The following ZNF345 variants were observed in gnomAD, a reference collection of about 807,000 sequenced individuals.
The protein encoded by ZNF345 is zinc finger protein 345.
For synonymous variants in ZNF345, 166 were observed against 187.9 expected, an observed-to-expected ratio of 0.88 and a Z score of 0.95; for missense variants, 527 against 589.9, an observed-to-expected ratio of 0.89 and a Z score of 1.10.
intron 3 of ZNF345, chr19:36,888,640 TTGGCTTTTAA>T (rs2073020737): frequency 6.6e-6 from 1 of 152,204 alleles, no homozygotes; most frequent in South Asian, 2.1e-4. Flanking sequence ...GGGGAAAGTG[TTGGCTTTTAA>T]TGGACTCATT....
chr19:36,876,331 T>G (rs2072880746), intron 2 of ZNF345, among the ~76,000 whole-genome samples: 2 of 152,100 alleles, frequency 1.3e-5, no homozygotes, highest in South Asian at 4.1e-4. Flanking sequence ...ATCCCAGATT[T>G]CCCACCCCAG....
At chr19:36,868,282 G>A (rs567548524) in intron 2 of ZNF345, among the ~76,000 whole-genome samples, 3 of 152,134 alleles carry the variant, frequency 2.0e-5, no homozygotes, top group South Asian at 2.1e-4. Context: ...GATTACAGGC[G>A]TGAGCCACCG....
chr19:36,875,851 A>G (rs1299638245), intron 2 of ZNF345, among the ~76,000 whole-genome samples: 4 of 152,164 alleles, frequency 2.6e-5, no homozygotes, highest in Non-Finnish European at 4.4e-5. Context: ...TCCCTTTCCT[A>G]GCCTCTACTT....
intron 2 of ZNF345, among the ~76,000 whole-genome samples, chr19:36,862,543 A>G (rs2072571053): frequency 6.6e-6 from 1 of 151,488 alleles, no homozygotes; most frequent in Admixed American, 6.6e-5. Context: ...GCACACCTGT[A>G]GGCCCAGCCA....
chr19:36,892,215 G>T, intron 3 of ZNF345: 1 of 1,614,082 alleles, frequency 6.2e-7, no homozygotes, highest in East Asian at 2.2e-5. Flanking sequence ...CACGACTAAA[G>T]GACTTCCCAT....
intron 2 of ZNF345, among the ~76,000 whole-genome samples, chr19:36,869,122 C>G (rs961213889): frequency 4.6e-5 from 7 of 151,990 alleles, no homozygotes; most frequent in African/African-American, 1.7e-4. Context: ...GCATACAGTC[C>G]CCAGTAAATC....
At position 36,878,827 on chromosome 19, in the gene ZNF345, T is replaced by TTTTTTG. The variant is rs953817052; in HGVS notation, c.*554_*559dup. ...TAAAGCTTGGATATCAGGTCAGTGT[T>TTTTTTG]TTTTTGTTTTTGTTTTTGTTTTTGT... On this transcript the variant is annotated 3_prime_UTR_variant, in exon 3 of 3. Transcript: ENST00000420450. 55 of 167,564 alleles carry TTTTTTG rather than the reference T, an allele frequency of 3.3e-4. No homozygotes were observed. Among genetic ancestry groups the TTTTTTG allele is most frequent in the African/African-American group, 1.2e-3 (50 of 41,540 alleles). 10.4% of individuals were successfully genotyped at this position (167,564 alleles called of 1,614,324 possible). A position where few individuals can be genotyped will look rare whatever the true frequency, so the allele number is the denominator to read the frequency against.
intron 3 of ZNF345, chr19:36,891,517 C>T: frequency 3.8e-6 from 6 of 1,570,668 alleles, no homozygotes; most frequent in Non-Finnish European, 4.3e-6. Flanking sequence ...TCCCTCATGG[C>T]GAATGAGGTC....
exon 4 of ZNF345, chr19:36,893,015 T>C (rs2073076014): frequency 2.5e-6 from 1 of 406,500 alleles, no homozygotes; most frequent in Non-Finnish European, 4.3e-6. Flanking sequence ...TACACGTTCA[T>C]AAACATATGC....
At chr19:36,853,835 A>G (rs2072343919) in intron 2 of ZNF345, among the ~76,000 whole-genome samples, 1 of 152,174 alleles carries the variant, frequency 6.6e-6, no homozygotes, top group Non-Finnish European at 1.5e-5. Flanking sequence ...GAGCAAGTAC[A>G]CTTACCTTCT....
intron 2 of ZNF345, chr19:36,862,841 A>G (rs2072580767): frequency 6.6e-6 from 1 of 152,102 alleles, no homozygotes; most frequent in African/African-American, 2.4e-5. Context: ...ATGTATTTGG[A>G]AACAGGGCCT....
rs1184435035 is a variant in ZNF345, at chr19:36,851,855, C to A, written c.-96C>A. 6.6e-6 allele frequency: 1 copy of A among 152,192 alleles called. No homozygotes were observed. The highest frequency in any genetic ancestry group is 1.5e-5 in the Non-Finnish European group (1 of 68,072). The allele number at this position is 152,192 out of a possible 1,614,324, so 9.4% of individuals were successfully genotyped here. ...CCCTGCCCTGCTTGGATAGAGGCCT[C>A]CGAACAGGAGTAAAGAATGGCTGTT... On this transcript the variant is annotated 5_prime_UTR_variant, in exon 2 of 3. Coordinates refer to ENST00000420450, the MANE Select transcript of ZNF345 (RefSeq NM_001242472.2).
intron 2 of ZNF345, among the ~76,000 whole-genome samples, chr19:36,855,150 C>CT (rs34077053): frequency 0.29 from 40,991 of 142,984 alleles, 6,171 homozygotes; most frequent in East Asian, 0.59. Flanking sequence ...CACGCCCAGC[C>CT]TTTTTTTTTT....
intron 2 of ZNF345, among the ~76,000 whole-genome samples, chr19:36,853,375 A>G (rs2072332873): frequency 6.6e-6 from 1 of 151,556 alleles, no homozygotes; most frequent in Non-Finnish European, 1.5e-5. Flanking sequence ...CAGCCTCCCA[A>G]GTAGCTGGGA....
At position 36,876,991 on chromosome 19, in the gene ZNF345, G is replaced by T. The variant is rs767686191; in HGVS notation, c.161G>T (p.Arg54Ile). The T allele has an allele frequency of 8.7e-6, 14 of 1,614,128 alleles. No individual in the cohort carries two copies. Among genetic ancestry groups the T allele is most frequent in the Non-Finnish European group, 7.6e-6 (9 of 1,179,976 alleles). Residue 54 changes from arginine to isoleucine, a missense_variant, in exon 3 of 3, where the codon AGA becomes ATA. Arg to Ile is a moderately conservative substitution (Grantham distance 97). Transcript: ENST00000420450. Reference sequence around the variant, plus strand: ...CCCACTTTCAGTATCCAGCATCAGAGAATTCATACTGATGAGAAACTCCTT... The same window carrying T: ...CCCACTTTCAGTATCCAGCATCAGATAATTCATACTGATGAGAAACTCCTT... ...DMPTFSIQHQ[R>I]IHTDEKLLEC...
rs370190247 is a variant in ZNF345, at chr19:36,891,616, C to A, written c.47-1202C>A. 6 of 1,613,094 alleles carry A rather than the reference C, an allele frequency of 3.7e-6. No individual in the cohort carries two copies. In the African/African-American group the frequency reaches 8.0e-5, roughly 22 times the overall value. On this transcript the variant is annotated intron_variant, in intron 3 of 3. Coordinates refer to the ZNF345 transcript ENST00000526123. The stretch of plus-strand genomic sequence containing the variant: ...TCTCTGATGTCGAGTAAGATTTGAG[C>A]CTTTATTAAAGGCCTTCCCACATTC...
chr19:36,853,635 G>A (rs1015528653), intron 2 of ZNF345, among the ~76,000 whole-genome samples: 2 of 152,152 alleles, frequency 1.3e-5, no homozygotes, highest in Non-Finnish European at 2.9e-5. Flanking sequence ...TCTCCCGAGT[G>A]TGTATCCAGT....
chr19:36,893,164 T>C (rs1405741684), downstream of ZNF345: 1 of 393,396 alleles, frequency 2.5e-6, no homozygotes, highest in Non-Finnish European at 4.5e-6. Flanking sequence ...GACTGTGCAA[T>C]GGTATACTGG....
At chr19:36,884,215 A>G (rs546693), downstream of ZNF345, among the ~76,000 whole-genome samples, 36,863 of 151,854 alleles carry the variant, frequency 0.24, 6,329 homozygotes, top group African/African-American at 0.49. Flanking sequence ...ACAGGCACCC[A>G]CCACCATGCC....
Sources: gnomAD v4.1 joint callset for allele counts (sites outside exome capture counted in the v4.1 genomes callset) on GRCh38, gnomAD v4.1.1 for gene constraint, MANE v1.5 for transcripts, NCBI Gene and HGNC (gene_info 2026-07-23, HGNC 2026-07-21) for gene names.